The following GULP1 variants were observed in gnomAD, a reference collection of about 807,000 sequenced individuals.
GULP1 encodes PTB domain-containing engulfment adapter protein 1.
A neutral mutation model predicts 40.9 loss-of-function variants in GULP1; 19 were observed. That is an observed-to-expected ratio of 0.46 (90% CI 0.32 to 0.68). The LOEUF (loss-of-function observed/expected upper bound fraction) is 0.68, where lower values mean the gene tolerates loss of function less well. GULP1 is among the 30% of genes least tolerant of loss of function. The pLI, the probability that GULP1 is intolerant of heterozygous loss-of-function variation, is 0.03. For missense variants in GULP1, 312 were observed against 362.2 expected, an observed-to-expected ratio of 0.86 and a Z score of 1.12; for synonymous variants, 119 against 117.6, an observed-to-expected ratio of 1.01 and a Z score of -0.08.
At chr2:188,352,678 A>C (rs1480809964) in intron 1 of GULP1, among the ~76,000 whole-genome samples, 1 of 141,668 alleles carries the variant, frequency 7.1e-6, no homozygotes. Flanking sequence ...ACCCTGACTA[A>C]ATAACAGTCA....
chr2:188,560,360 T>C (rs1173427502), intron 7 of GULP1, among the ~76,000 whole-genome samples: 1 of 152,154 alleles, frequency 6.6e-6, no homozygotes, highest in African/African-American at 2.4e-5. Flanking sequence ...TCCCAATAAG[T>C]TCATCATTTA....
intron 4 of GULP1, among the ~76,000 whole-genome samples, chr2:188,495,801 A>G (rs1490909191): frequency 1.3e-5 from 2 of 151,966 alleles, no homozygotes; most frequent in African/African-American, 4.8e-5. Context: ...TTCTTTTTCA[A>G]GTATACCAAG....
intron 9 of GULP1, 118 bp downstream of exon 9, chr2:188,570,238 G>A: frequency 1.7e-6 from 1 of 602,752 alleles, no homozygotes; most frequent in East Asian, 3.2e-5. Context: ...AGTAAACATG[G>A]ATAGAGATGA....
intron 4 of GULP1, among the ~76,000 whole-genome samples, chr2:188,510,170 A>T (rs1396074215): frequency 6.6e-6 from 1 of 152,232 alleles, no homozygotes; most frequent in Non-Finnish European, 1.5e-5. Context: ...GCAAATAAAT[A>T]TATTTAGTGT....
At chr2:188,416,599 A>T (rs1363025875) in intron 2 of GULP1, among the ~76,000 whole-genome samples, 6 of 152,124 alleles carry the variant, frequency 3.9e-5, no homozygotes, top group Non-Finnish European at 8.8e-5. Flanking sequence ...TAGTCTTGTG[A>T]TGGAAGAGAT....
intron 1 of GULP1, among the ~76,000 whole-genome samples, chr2:188,337,419 T>A (rs2042418493): frequency 6.7e-6 from 1 of 150,066 alleles, no homozygotes; most frequent in Admixed American, 6.7e-5. Context: ...GGATTACAGA[T>A]GTGAGCCACC....
chr2:188,478,753 T>A (rs1045709661), intron 3 of GULP1, among the ~76,000 whole-genome samples: 1 of 152,072 alleles, frequency 6.6e-6, no homozygotes, highest in Admixed American at 6.6e-5. Flanking sequence ...AAGAATAAAG[T>A]CAACAGTGTG....
intron 1 of GULP1, among the ~76,000 whole-genome samples, chr2:188,353,637 A>C (rs918747009): frequency 6.6e-6 from 1 of 151,914 alleles, no homozygotes; most frequent in African/African-American, 2.4e-5. Flanking sequence ...GCATGAGCTG[A>C]AGCAGTATCC....
chr2:188,323,436 C>A (rs1416430789), intron 1 of GULP1, among the ~76,000 whole-genome samples: 1 of 151,888 alleles, frequency 6.6e-6, no homozygotes. Flanking sequence ...TCTTTGCATG[C>A]ACAGTTGCAG....
intron 2 of GULP1, among the ~76,000 whole-genome samples, chr2:188,447,965 C>A (rs1559252498): frequency 6.6e-6 from 1 of 152,270 alleles, no homozygotes; most frequent in South Asian, 2.1e-4. Context: ...ATTGATACTT[C>A]TGTGGGAATA....
chr2:188,298,505 T>A (rs777357932), intron 1 of GULP1, among the ~76,000 whole-genome samples: 4 of 152,232 alleles, frequency 2.6e-5, no homozygotes, highest in African/African-American at 7.2e-5. Context: ...TATTTTAGAT[T>A]TATAAAATAG....
intron 7 of GULP1, among the ~76,000 whole-genome samples, chr2:188,551,294 C>T (rs751522333): frequency 2.0e-5 from 3 of 151,478 alleles, no homozygotes; most frequent in Non-Finnish European, 4.4e-5. Context: ...ATGTTTGTAC[C>T]CATTAACCCA....
At chr2:188,410,249 T>C (rs1357005736) in intron 2 of GULP1, among the ~76,000 whole-genome samples, 1 of 152,062 alleles carries the variant, frequency 6.6e-6, no homozygotes, top group Non-Finnish European at 1.5e-5. Context: ...ATAAAACTAC[T>C]AGAAGAAAAC....
chr2:188,563,262 A>T (rs1696775414), intron 7 of GULP1, among the ~76,000 whole-genome samples: 1 of 151,872 alleles, frequency 6.6e-6, no homozygotes, highest in Non-Finnish European at 1.5e-5. Flanking sequence ...ATCTCTAAAA[A>T]CTTCATCAAG....
At chr2:188,418,499 G>A (rs767797143) in intron 2 of GULP1, among the ~76,000 whole-genome samples, 1 of 152,068 alleles carries the variant, frequency 6.6e-6, no homozygotes, top group African/African-American at 2.4e-5. Context: ...CGGGCATGGT[G>A]GTGGGCGCCT....
At chr2:188,584,114 G>T in intron 9 of GULP1, 151 bp from the exon 10 acceptor site, 1 of 509,956 alleles carries the variant, frequency 2.0e-6, no homozygotes, top group Non-Finnish European at 3.5e-6. Context: ...ATGAAATTGC[G>T]AATACTTAAC....
chr2:188,434,389 T>C (rs2057209190), intron 2 of GULP1, among the ~76,000 whole-genome samples: 1 of 151,826 alleles, frequency 6.6e-6, no homozygotes, highest in Admixed American at 6.6e-5. Context: ...TTCTTGGTTA[T>C]TATGGTGACT....
intron 1 of GULP1, among the ~76,000 whole-genome samples, chr2:188,369,220 CA>C (rs2047272318): frequency 1.3e-5 from 2 of 151,506 alleles, no homozygotes; most frequent in South Asian, 4.2e-4. Flanking sequence ...CTCGGCCTCC[CA>C]AAGTGGTGGG....
At chr2:188,468,606 G>A (rs2060325418) in intron 2 of GULP1, among the ~76,000 whole-genome samples, 1 of 152,106 alleles carries the variant, frequency 6.6e-6, no homozygotes, top group Non-Finnish European at 1.5e-5. Context: ...TGAGGGAACA[G>A]TTTTTATAGT....
Sources: allele counts gnomAD v4.1 joint callset (sites outside exome capture counted in the v4.1 genomes callset), GRCh38; gene constraint gnomAD v4.1.1; transcripts MANE v1.5; gene names NCBI Gene and HGNC (gene_info 2026-07-23, HGNC 2026-07-21).